Variants in PARVA observed in about 807,000 individuals in gnomAD.
PARVA encodes parvin alpha.
Under a neutral mutation model 52.6 loss-of-function variants are expected in PARVA, and 25 were observed. The ratio of observed to expected loss-of-function variants is 0.48; its 90% confidence interval spans 0.35 to 0.66. PARVA has a LOEUF of 0.66. Ranked by LOEUF, PARVA falls within the 30% of genes least tolerant of loss-of-function variation. The pLI is 0.01. For missense variants in PARVA, 373 were observed against 450.9 expected (o/e 0.83, Z 1.56); for synonymous variants, 185 against 179.1 (o/e 1.03, Z -0.26).
chr11:12,505,424 C>T (rs1431430693), intron 6 of PARVA, among the ~76,000 whole-genome samples: 1 of 152,194 alleles, frequency 6.6e-6, no homozygotes, highest in East Asian at 1.9e-4. Context: ...CAGGAGGAGA[C>T]AAGGAAATGG....
chr11:12,491,172 T>C (rs571731991), intron 4 of PARVA, among the ~76,000 whole-genome samples: 52 of 152,102 alleles, frequency 3.4e-4, no homozygotes, highest in Non-Finnish European at 6.9e-4. Flanking sequence ...GATAGTTTTG[T>C]TTTGTTTTGA....
chr11:12,514,394 A>G (rs909378486), intron 10 of PARVA, among the ~76,000 whole-genome samples: 13 of 152,304 alleles, frequency 8.5e-5, no homozygotes, highest in African/African-American at 3.1e-4. Flanking sequence ...TAACCACAAC[A>G]CAATTATCAA....
chr11:12,423,351 G>GTTTTTT (rs869105706), intron 1 of PARVA, among the ~76,000 whole-genome samples: 4 of 104,710 alleles, frequency 3.8e-5, no homozygotes, highest in African/African-American at 7.4e-5. Flanking sequence ...GCTAATTTTT[G>GTTTTTT]TTTTTTTTTT....
chr11:12,408,733 T>C (rs781090465), intron 1 of PARVA, among the ~76,000 whole-genome samples: 58 of 152,102 alleles, frequency 3.8e-4, no homozygotes, highest in African/African-American at 1.4e-3. Flanking sequence ...GTGAATAGGG[T>C]AGACTAGGTT....
upstream of PARVA, among the ~76,000 whole-genome samples, chr11:12,377,000 C>G (rs1445790443): frequency 1.3e-5 from 2 of 152,220 alleles, no homozygotes; most frequent in African/African-American, 2.4e-5. Flanking sequence ...CGGCTTTACC[C>G]TTGTGCACTC....
At chr11:12,482,586 A>G (rs1941103215) in intron 4 of PARVA, among the ~76,000 whole-genome samples, 1 of 150,584 alleles carries the variant, frequency 6.6e-6, no homozygotes, top group Non-Finnish European at 1.5e-5. Flanking sequence ...AGATCATACC[A>G]TTGCACTCCA....
In PARVA at chr11:12,420,910, C is replaced by T. The variant is rs933349481; in HGVS notation, c.136+43127C>T. The stretch of plus-strand genomic sequence containing the variant: ...AGCCTGTCCTCTTCACACCACCCCA[C>T]CCAGCGAGAATGGAAGGAGTTAGCT... On this transcript the variant is annotated intron_variant, in intron 1 of 12. Coordinates refer to ENST00000334956, the MANE Select transcript of PARVA (RefSeq NM_018222.5). Among the ~76,000 whole-genome samples, 6 of 152,298 alleles carry T rather than the reference C, an allele frequency of 3.9e-5. No homozygotes were observed. In the South Asian group the frequency reaches 1.0e-3, roughly 26 times the overall value.
At chr11:12,492,156 G>C (rs1191157597) in intron 4 of PARVA, among the ~76,000 whole-genome samples, 1 of 152,080 alleles carries the variant, frequency 6.6e-6, no homozygotes, top group South Asian at 2.1e-4. Flanking sequence ...CACCATTCAG[G>C]GTAATTGAGT....
chr11:12,522,799 A>AAAC (rs937727784), intron 12 of PARVA, among the ~76,000 whole-genome samples: 4 of 151,932 alleles, frequency 2.6e-5, no homozygotes, highest in African/African-American at 9.7e-5. Flanking sequence ...TAAAAAAAAA[A>AAAC]AAACAGACAG....
chr11:12,428,324 G>A (rs567039517), intron 1 of PARVA, among the ~76,000 whole-genome samples: 205 of 152,296 alleles, frequency 1.3e-3, no homozygotes, highest in Non-Finnish European at 9.1e-4. Context: ...TGAAAGGAGG[G>A]AAGGAAGGAA....
intron 4 of PARVA, chr11:12,480,956 ACCTT>A (rs1941078678): frequency 6.6e-6 from 1 of 152,046 alleles, no homozygotes; most frequent in Non-Finnish European, 1.5e-5. Flanking sequence ...GAGCACTCTG[ACCTT>A]ACGTTCCCCT....
intron 10 of PARVA, among the ~76,000 whole-genome samples, chr11:12,516,968 A>C (rs943419539): frequency 1.3e-5 from 2 of 152,084 alleles, no homozygotes; most frequent in Non-Finnish European, 1.5e-5. Context: ...TGTAATACTG[A>C]AGAGAGATGG....
rs1391334916 is a variant in PARVA at position 12,532,854 on chromosome 11, C to T, written c.*4929C>T. Among the ~76,000 whole-genome samples, 3 of 152,162 alleles carry T rather than the reference C, an allele frequency of 2.0e-5. No homozygotes were observed. Among genetic ancestry groups the T allele is most frequent in the South Asian group, 2.1e-4 (1 of 4,820 alleles). On this transcript the variant is annotated 3_prime_UTR_variant, in exon 13 of 13. Coordinates refer to ENST00000334956, the MANE Select transcript of PARVA (RefSeq NM_018222.5). ...CACAGAATGAGGGAGAAGACGGATC[C>T]GATCGCAGGCATCGGGAGTGCTGAT...
At chr11:12,438,247 G>A (rs530127025) in intron 1 of PARVA, among the ~76,000 whole-genome samples, 115 of 147,066 alleles carry the variant, frequency 7.8e-4, no homozygotes, top group East Asian at 1.6e-3. Context: ...GTGACAGAGC[G>A]AGACTGCATC....
chr11:12,474,183 C>A (rs1940973473), intron 3 of PARVA, among the ~76,000 whole-genome samples, 200 bp downstream of exon 3: 1 of 152,016 alleles, frequency 6.6e-6, no homozygotes, highest in East Asian at 1.9e-4. Flanking sequence ...TGACAAATGC[C>A]CAGTGAGTGG....
chr11:12,501,744 CTA>C (rs1941365709), intron 5 of PARVA, among the ~76,000 whole-genome samples: 1 of 152,088 alleles, frequency 6.6e-6, no homozygotes, highest in Non-Finnish European at 1.5e-5. Context: ...GTGTGTGAGA[CTA>C]TAGACTATTT....
intron 1 of PARVA, among the ~76,000 whole-genome samples, chr11:12,393,129 T>C (rs989345509): frequency 3.3e-5 from 5 of 151,698 alleles, no homozygotes; most frequent in Admixed American, 6.6e-5. Context: ...GTAGACATTC[T>C]TGATGATGTA....
rs1490373871 is a variant in PARVA at position 12,534,467 on chromosome 11, G to A, written c.*6542G>A. Among the ~76,000 whole-genome samples the A allele has an allele frequency of 6.6e-6, 1 of 152,098 alleles. No individual in the cohort carries two copies. The highest frequency in any genetic ancestry group is 2.4e-5 in the African/African-American group (1 of 41,402). On this transcript the variant is annotated 3_prime_UTR_variant, in exon 13 of 13. Transcript: ENST00000334956. ...CATGTGGGCACTGGCTTTGATACTG[G>A]CATTTGGAAGGGCACTTGGGAAATT...
In PARVA at chr11:12,533,707, A is replaced by C. The variant is rs930604249; in HGVS notation, c.*5782A>C. ...TACCATACGGTAAGCTAGAGAAAAA[A>C]TGTTACTAAGAAAAACATAAGCAAG... On this transcript the variant is annotated 3_prime_UTR_variant, in exon 13 of 13. Coordinates refer to ENST00000334956, the MANE Select transcript of PARVA (RefSeq NM_018222.5). Among the ~76,000 whole-genome samples the C allele has an allele frequency of 2.0e-5, 3 of 152,162 alleles. No individual in the cohort carries two copies. Among genetic ancestry groups the C allele is most frequent in the African/African-American group, 4.8e-5 (2 of 41,412 alleles).
Sources: allele counts gnomAD v4.1 joint callset (sites outside exome capture counted in the v4.1 genomes callset), GRCh38; gene constraint gnomAD v4.1.1; transcripts MANE v1.5; gene names NCBI Gene and HGNC (gene_info 2026-07-23, HGNC 2026-07-21).